LRGUK: variants seen among roughly 807,000 people sequenced by gnomAD.
LRGUK encodes the protein leucine-rich repeat and guanylate kinase domain-containing protein.
Under a neutral mutation model 76.0 loss-of-function variants are expected in LRGUK, and 65 were observed. That is an observed-to-expected ratio of 0.85 (90% CI 0.70 to 1.05). LRGUK has a LOEUF of 1.05. Among genes scored for constraint, LRGUK ranks in the 50% least tolerant of loss-of-function variants. The pLI is 0.00. For synonymous variants in LRGUK, 268 were observed against 265.6 expected, an observed-to-expected ratio of 1.01 and a Z score of -0.09; for missense variants, 758 against 732.8, an observed-to-expected ratio of 1.03 and a Z score of -0.40.
At chr7:134,136,919 T>C (rs933610792) in intron 1 of LRGUK, 104 bp from the exon 2 acceptor site, 6 of 958,730 alleles carry the variant, frequency 6.3e-6, no homozygotes, top group Admixed American at 4.8e-5. Context: ...AGAGCTCAGC[T>C]CCTGGGTATA....
At chr7:134,170,682 A>G (rs940923178) in intron 7 of LRGUK, among the ~76,000 whole-genome samples, 7 of 152,156 alleles carry the variant, frequency 4.6e-5, no homozygotes, top group African/African-American at 1.7e-4. Flanking sequence ...TATCCACAAT[A>G]ACTAAAAATG....
Position 134,176,964 on chromosome 7 carries a change from ATATT to A in LRGUK, c.1021-11_1021-8del. Reference sequence around the variant, plus strand: ...GGAAGGCAACTGAACAGTCCTCTTGATATTTTAAATAGGAAAAGTCTGAATATTG... The same window carrying A: ...GGAAGGCAACTGAACAGTCCTCTTGATTAAATAGGAAAAGTCTGAATATTG... On this transcript the variant is annotated splice_polypyrimidine_tract_variant and intron_variant, in intron 8 of 15. Transcript: ENST00000645682. 6.6e-7 allele frequency: 1 copy of A among 1,523,950 alleles called. No homozygotes were observed. Among genetic ancestry groups the A allele is most frequent in the Non-Finnish European group, 9.1e-7 (1 of 1,102,816 alleles). The allele number at this position is 1,523,950 out of a possible 1,614,324, so 94.4% of individuals were successfully genotyped here.
chr7:134,210,528 A>G (rs1000497189), downstream of LRGUK, among the ~76,000 whole-genome samples: 8 of 152,186 alleles, frequency 5.3e-5, no homozygotes, highest in Non-Finnish European at 1.0e-4. Flanking sequence ...ACTCCCGTCA[A>G]TGGTGATCAG....
At chr7:134,155,618 A>G (rs1346482187) in intron 5 of LRGUK, among the ~76,000 whole-genome samples, 3 of 152,216 alleles carry the variant, frequency 2.0e-5, no homozygotes, top group Non-Finnish European at 4.4e-5. Context: ...ATTGACCAAG[A>G]GGTAGAGGAC....
At chr7:134,216,148 A>G (rs960533593) in intron 15 of LRGUK, among the ~76,000 whole-genome samples, 2 of 152,220 alleles carry the variant, frequency 1.3e-5, no homozygotes, top group African/African-American at 2.4e-5. Context: ...TGGGGATTAA[A>G]TGAGTTAATA....
At chr7:134,245,654 C>G (rs1477000959) in intron 16 of LRGUK, among the ~76,000 whole-genome samples, 1 of 152,078 alleles carries the variant, frequency 6.6e-6, no homozygotes, top group East Asian at 1.9e-4. Flanking sequence ...CCACTGTCAT[C>G]TTCTCAGTTA....
intron 16 of LRGUK, among the ~76,000 whole-genome samples, chr7:134,239,188 G>T (rs1802077070): frequency 6.6e-6 from 1 of 152,172 alleles, no homozygotes; most frequent in African/African-American, 2.4e-5. Flanking sequence ...TCCAACTGAG[G>T]TACCAGGTTC....
chr7:134,202,343 G>T (rs892393436), intron 15 of LRGUK, among the ~76,000 whole-genome samples: 1 of 152,104 alleles, frequency 6.6e-6, no homozygotes, highest in African/African-American at 2.4e-5. Flanking sequence ...AAATTAACAG[G>T]TGTTGGCAAG....
chr7:134,187,260 C>G (rs1475867837), intron 11 of LRGUK, among the ~76,000 whole-genome samples: 2 of 150,986 alleles, frequency 1.3e-5, no homozygotes, highest in Non-Finnish European at 2.9e-5. Context: ...TTCTATTATT[C>G]TTTATCCAAC....
rs543295836 is a variant in LRGUK at position 134,162,015 on chromosome 7, A to G, written c.796-1382A>G. Among the ~76,000 whole-genome samples the G allele has an allele frequency of 1.2e-4, 18 of 152,256 alleles. No homozygotes were observed. In the East Asian group the frequency reaches 3.5e-3, roughly 29 times the overall value. On this transcript the variant is annotated intron_variant, in intron 6 of 15. Coordinates refer to ENST00000645682, the Ensembl canonical transcript of LRGUK. ...TATTCTTATTTGTTGTTATGGGTATATGGAGATTGAGGAAGAAGACAACAT... is the reference window on the plus strand; with the variant it reads ...TATTCTTATTTGTTGTTATGGGTATGTGGAGATTGAGGAAGAAGACAACAT...
intron 15 of LRGUK, among the ~76,000 whole-genome samples, chr7:134,218,675 A>T (rs1341548764): frequency 6.6e-6 from 1 of 152,166 alleles, no homozygotes; most frequent in Non-Finnish European, 1.5e-5. Flanking sequence ...AGTCTGTTTG[A>T]TGATACAATG....
chr7:134,248,975 C>A (rs756249753), exon 18 of LRGUK: 4 of 1,558,172 alleles, frequency 2.6e-6, no homozygotes, highest in Admixed American at 3.6e-5. Context: ...CACCTCTCAC[C>A]AGTGGTCTAC....
At chr7:134,135,936 G>C (rs1018152158) in intron 1 of LRGUK, among the ~76,000 whole-genome samples, 1 of 152,306 alleles carries the variant, frequency 6.6e-6, no homozygotes, top group African/African-American at 2.4e-5. Context: ...GATTACAGGC[G>C]TGAGCCACCG....
intron 16 of LRGUK, among the ~76,000 whole-genome samples, chr7:134,233,893 G>C (rs997218770): frequency 5.3e-5 from 8 of 152,128 alleles, no homozygotes; most frequent in African/African-American, 1.9e-4. Context: ...CCCACAGCCT[G>C]CCGGCCACAT....
At position 134,201,383 on chromosome 7, in the gene LRGUK, A is replaced by C. The variant is rs969522804; in HGVS notation, c.1748-98A>C. ...AATTCTGCCTACCATAATATATATA[A>C]AATTAAATGCAGTAAACAAATCATT... On this transcript the variant is annotated intron_variant, in intron 14 of 15. Coordinates refer to ENST00000645682, the Ensembl canonical transcript of LRGUK. The C allele has an allele frequency of 7.7e-6, 7 of 906,514 alleles. No individual in the cohort carries two copies. The African/African-American group carries it at 1.2e-4, about 15-fold the overall frequency. The allele number at this position is 906,514 out of a possible 1,614,324, so 56.2% of individuals were successfully genotyped here.
intron 15 of LRGUK, among the ~76,000 whole-genome samples, chr7:134,205,496 T>A (rs2117106365): frequency 6.6e-6 from 1 of 152,294 alleles, no homozygotes; most frequent in Non-Finnish European, 1.5e-5. Flanking sequence ...ATAATTTAGA[T>A]ATATGTGTAT....
At chr7:134,203,081 T>C (rs1469911786) in intron 15 of LRGUK, among the ~76,000 whole-genome samples, 1 of 152,070 alleles carries the variant, frequency 6.6e-6, no homozygotes, top group Admixed American at 6.6e-5. Context: ...CATGTGCCTG[T>C]AATCCCAACT....
At chr7:134,178,085 C>T (rs1305111719) in intron 9 of LRGUK, among the ~76,000 whole-genome samples, 1 of 152,124 alleles carries the variant, frequency 6.6e-6, no homozygotes, top group Non-Finnish European at 1.5e-5. Flanking sequence ...AAACATTCCG[C>T]ATGCATCAAA....
At chr7:134,262,998 G>C (rs999329231) in intron 19 of LRGUK, among the ~76,000 whole-genome samples, 4 of 147,068 alleles carry the variant, frequency 2.7e-5, no homozygotes, top group African/African-American at 9.9e-5. Context: ...AAAAAAGGAG[G>C]AGTTTTTTTT....
Sources: allele counts gnomAD v4.1 joint callset (sites outside exome capture counted in the v4.1 genomes callset), GRCh38; gene constraint gnomAD v4.1.1; transcripts MANE v1.5; gene names NCBI Gene and HGNC (gene_info 2026-07-23, HGNC 2026-07-21).